Variants in GRIK2 observed in about 807,000 individuals in gnomAD.
GRIK2 encodes the protein glutamate ionotropic receptor kainate type subunit 2, also known as glutamate receptor ionotropic, kainate 2.
In GRIK2, 32 loss-of-function variants were observed where a neutral mutation model predicts 100.3. The ratio of observed to expected loss-of-function variants is 0.32; its 90% confidence interval spans 0.24 to 0.43. The LOEUF is 0.43. GRIK2 is among the 20% of genes least tolerant of loss of function. The pLI is 1.00. For synonymous variants in GRIK2, 417 were observed against 389.4 expected (o/e 1.07, Z -0.83); for missense variants, 843 against 1,114.9 (o/e 0.76, Z 3.47).
intron 2 of GRIK2, among the ~76,000 whole-genome samples, chr6:101,444,900 A>G (rs1770284880): frequency 6.6e-6 from 1 of 152,028 alleles, no homozygotes; most frequent in African/African-American, 2.4e-5. Flanking sequence ...AGTCCACCGC[A>G]TCTGCTATAT....
At chr6:101,578,056 A>G (rs1364309560) in intron 2 of GRIK2, among the ~76,000 whole-genome samples, 1 of 152,182 alleles carries the variant, frequency 6.6e-6, no homozygotes, top group East Asian at 1.9e-4. Context: ...GTTCTCCCTT[A>G]GAAAGGAATG....
intron 7 of GRIK2, among the ~76,000 whole-genome samples, chr6:101,781,750 A>G (rs1779109988): frequency 6.6e-6 from 1 of 152,028 alleles, no homozygotes; most frequent in Admixed American, 6.6e-5. Context: ...TATGTTCAGA[A>G]ATCTATTTTT....
intron 7 of GRIK2, among the ~76,000 whole-genome samples, chr6:101,733,911 G>A (rs951057898): frequency 6.6e-6 from 1 of 151,724 alleles, no homozygotes; most frequent in African/African-American, 2.4e-5. Flanking sequence ...ATTTCCTCCA[G>A]TTTCTGATAT....
intron 2 of GRIK2, among the ~76,000 whole-genome samples, chr6:101,483,384 G>T (rs998607888): frequency 3.9e-5 from 6 of 151,978 alleles, no homozygotes; most frequent in Non-Finnish European, 7.4e-5. Context: ...ATTAGTAGTG[G>T]GTTCAAATAT....
At chr6:101,954,565 G>T (rs1166053480) in intron 14 of GRIK2, among the ~76,000 whole-genome samples, 1 of 152,102 alleles carries the variant, frequency 6.6e-6, no homozygotes, top group East Asian at 1.9e-4. Flanking sequence ...TTTACATACT[G>T]CAGTGGGTTA....
chr6:101,637,814 A>G (rs910972861), intron 4 of GRIK2, among the ~76,000 whole-genome samples: 8 of 152,208 alleles, frequency 5.3e-5, no homozygotes, highest in African/African-American at 1.9e-4. Context: ...CTTTCCTTGA[A>G]TAATTATAGC....
At chr6:101,789,998 C>G (rs1410054466) in intron 7 of GRIK2, among the ~76,000 whole-genome samples, 1 of 152,102 alleles carries the variant, frequency 6.6e-6, no homozygotes, top group Non-Finnish European at 1.5e-5. Flanking sequence ...CATGATTTGG[C>G]TCTCTGTTTG....
At chr6:101,785,996 C>T (rs938590772) in intron 7 of GRIK2, among the ~76,000 whole-genome samples, 1 of 151,948 alleles carries the variant, frequency 6.6e-6, no homozygotes, top group Non-Finnish European at 1.5e-5. Flanking sequence ...TTTCTTTAAT[C>T]AATTTTTTGT....
chr6:101,666,098 A>G (rs1770009047), intron 4 of GRIK2, among the ~76,000 whole-genome samples: 1 of 152,168 alleles, frequency 6.6e-6, no homozygotes, highest in Admixed American at 6.5e-5. Flanking sequence ...AGGGGTCCCA[A>G]AGATTACTCT....
chr6:101,786,699 T>G (rs1355508584), intron 7 of GRIK2, among the ~76,000 whole-genome samples: 3 of 152,080 alleles, frequency 2.0e-5, no homozygotes, highest in African/African-American at 4.8e-5. Flanking sequence ...TGCTACTGTT[T>G]TGTTGAGGAT....
intron 2 of GRIK2, among the ~76,000 whole-genome samples, chr6:101,416,410 T>C (rs1776142812): frequency 6.6e-6 from 1 of 152,222 alleles, no homozygotes; most frequent in South Asian, 2.1e-4. Context: ...TCAGTACTGG[T>C]GAGGCTGGGG....
intron 10 of GRIK2, among the ~76,000 whole-genome samples, chr6:101,844,224 G>T (rs1185450797): frequency 6.6e-6 from 1 of 151,898 alleles, no homozygotes; most frequent in Non-Finnish European, 1.5e-5. Flanking sequence ...TTAAATGAAG[G>T]GTATTGAGAG....
chr6:101,784,483 T>C (rs764666096), intron 7 of GRIK2, among the ~76,000 whole-genome samples: 3 of 152,200 alleles, frequency 2.0e-5, no homozygotes, highest in Non-Finnish European at 4.4e-5. Context: ...GAGTTAAGAC[T>C]TTGAGGGACT....
Position 101,592,588 on chromosome 6 carries a change from CATATATATAT to C in GRIK2, c.116-29334_116-29325del, listed in dbSNP as rs3056161. Reference sequence around the variant, plus strand: ...TCATGGGATAGAATTACTAATATCACATATATATATATATATATATATATATATATATATA... The same window carrying C: ...TCATGGGATAGAATTACTAATATCACATATATATATATATATATATATATA... On this transcript the variant is annotated intron_variant, in intron 2 of 16. Coordinates refer to ENST00000369134, the MANE Select transcript of GRIK2 (RefSeq NM_021956.5). Among the ~76,000 whole-genome samples, 816 of 101,920 alleles carry C rather than the reference CATATATATAT, an allele frequency of 8.0e-3. 21 individuals carry two copies. The highest frequency in any genetic ancestry group is 0.014 in the African/African-American group (350 of 25,828). 66.9% of individuals were successfully genotyped at this position (101,920 alleles called of 152,430 possible).
intron 2 of GRIK2, among the ~76,000 whole-genome samples, chr6:101,567,554 G>C (rs1334274400): frequency 6.6e-6 from 1 of 151,866 alleles, no homozygotes; most frequent in Non-Finnish European, 1.5e-5. Flanking sequence ...TGGGCAAATG[G>C]AATAACATCC....
chr6:101,829,046 T>G (rs1782510982), intron 10 of GRIK2, among the ~76,000 whole-genome samples: 1 of 151,860 alleles, frequency 6.6e-6, no homozygotes, highest in African/African-American at 2.4e-5. Context: ...CAGCAGCACA[T>G]GAAAACATTA....
At chr6:101,588,098 A>T (rs1174338095) in intron 2 of GRIK2, among the ~76,000 whole-genome samples, 1 of 152,128 alleles carries the variant, frequency 6.6e-6, no homozygotes. Context: ...GGCAAAATAG[A>T]CATTTCCATT....
At chr6:102,014,782 G>A (rs1030381387) in intron 14 of GRIK2, among the ~76,000 whole-genome samples, 1 of 152,052 alleles carries the variant, frequency 6.6e-6, no homozygotes, top group African/African-American at 2.4e-5. Context: ...ATTTTATTGT[G>A]CTGTGGTCCC....
intron 8 of GRIK2, 38 bp downstream of exon 8, chr6:101,799,829 T>C: frequency 1.3e-6 from 2 of 1,539,524 alleles, no homozygotes; most frequent in Admixed American, 3.4e-5. Context: ...GTCTCTTTTG[T>C]TGTCAAGCTG....
Sources: allele counts gnomAD v4.1 joint callset (sites outside exome capture counted in the v4.1 genomes callset), GRCh38; gene constraint gnomAD v4.1.1; transcripts MANE v1.5; gene names NCBI Gene and HGNC (gene_info 2026-07-23, HGNC 2026-07-21).